The following GULP1 variants were observed in gnomAD, a reference collection of about 807,000 sequenced individuals.
GULP1 encodes GULP PTB domain containing engulfment adaptor 1, also known as PTB domain-containing engulfment adapter protein 1.
In GULP1, 19 loss-of-function variants were observed where a neutral mutation model predicts 40.9. That is an observed-to-expected ratio of 0.46 (90% CI 0.32 to 0.68). GULP1 has a LOEUF of 0.68. GULP1 is among the 30% of genes least tolerant of loss of function. The pLI, the probability that GULP1 is intolerant of heterozygous loss-of-function variation, is 0.03. For missense variants in GULP1, 312 were observed against 362.2 expected (o/e 0.86, Z 1.12); for synonymous variants, 119 against 117.6 (o/e 1.01, Z -0.08).
chr2:188,459,850 C>A (rs2059562074), intron 2 of GULP1, among the ~76,000 whole-genome samples: 1 of 152,220 alleles, frequency 6.6e-6, no homozygotes, highest in East Asian at 1.9e-4. Flanking sequence ...TAGTTTCATT[C>A]TTTTGCATAT....
chr2:188,359,365 C>T (rs1056045941), intron 1 of GULP1, among the ~76,000 whole-genome samples: 6 of 151,984 alleles, frequency 3.9e-5, no homozygotes, highest in Non-Finnish European at 8.8e-5. Flanking sequence ...GCTAAATAAA[C>T]GGGGCTGTGA....
intron 4 of GULP1, among the ~76,000 whole-genome samples, chr2:188,503,837 A>G (rs188915856): frequency 1.1e-3 from 170 of 152,036 alleles, no homozygotes; most frequent in African/African-American, 4.0e-3. Context: ...TAGTAACGCT[A>G]CCATCTTTTT....
At chr2:188,359,387 A>T (rs939744744) in intron 1 of GULP1, among the ~76,000 whole-genome samples, 1 of 152,162 alleles carries the variant, frequency 6.6e-6, no homozygotes, top group Non-Finnish European at 1.5e-5. Context: ...TGTATTTTAC[A>T]GTTCTTAAAA....
chr2:188,428,287 G>T (rs1196422291), intron 2 of GULP1, among the ~76,000 whole-genome samples: 1 of 152,126 alleles, frequency 6.6e-6, no homozygotes. Flanking sequence ...TTGGATTTTT[G>T]ACTTAATACT....
chr2:188,366,566 T>C (rs192485588), intron 1 of GULP1, among the ~76,000 whole-genome samples: 2 of 151,518 alleles, frequency 1.3e-5, no homozygotes, highest in African/African-American at 2.4e-5. Flanking sequence ...TTTTACTTTG[T>C]AGGGCGACTT....
intron 2 of GULP1, among the ~76,000 whole-genome samples, chr2:188,437,331 G>A (rs989118007): frequency 2.6e-5 from 4 of 152,020 alleles, no homozygotes; most frequent in African/African-American, 9.7e-5. Context: ...TACATATCAA[G>A]CTGAAGTTAG....
chr2:188,526,166 A>G (rs182556202), intron 5 of GULP1, among the ~76,000 whole-genome samples: 1 of 152,172 alleles, frequency 6.6e-6, no homozygotes, highest in Admixed American at 6.5e-5. Flanking sequence ...TATCAGTAGT[A>G]TATATTTAAC....
intron 1 of GULP1, among the ~76,000 whole-genome samples, chr2:188,343,742 A>G (rs1245555327): frequency 6.6e-6 from 1 of 152,182 alleles, no homozygotes; most frequent in Admixed American, 6.5e-5. Context: ...GGACACCTAT[A>G]CTGTGATCTA....
At chr2:188,456,963 C>T (rs1361447363) in intron 2 of GULP1, among the ~76,000 whole-genome samples, 1 of 152,070 alleles carries the variant, frequency 6.6e-6, no homozygotes, top group African/African-American at 2.4e-5. Flanking sequence ...GATTTGAATC[C>T]CCCACTGGAT....
At chr2:188,405,706 G>T (rs1396609470) in intron 2 of GULP1, among the ~76,000 whole-genome samples, 1 of 152,186 alleles carries the variant, frequency 6.6e-6, no homozygotes, top group African/African-American at 2.4e-5. Context: ...CCATTGCATT[G>T]ATGCAGTTAC....
At chr2:188,296,352 A>G (rs1000887752) in intron 1 of GULP1, among the ~76,000 whole-genome samples, 16 of 152,098 alleles carry the variant, frequency 1.1e-4, no homozygotes, top group Non-Finnish European at 1.8e-4. Flanking sequence ...AACAATGCTT[A>G]TACTGTTTTC....
At chr2:188,520,527 TA>T (rs754573431) in intron 4 of GULP1, among the ~76,000 whole-genome samples, 4,064 of 92,392 alleles carry the variant, frequency 0.044, 182 homozygotes, top group African/African-American at 0.14. Context: ...AGACTCCATC[TA>T]AAAAAAAAAA....
At chr2:188,514,812 C>T (rs1397091723) in intron 4 of GULP1, among the ~76,000 whole-genome samples, 1 of 152,074 alleles carries the variant, frequency 6.6e-6, no homozygotes, top group Non-Finnish European at 1.5e-5. Flanking sequence ...AAAAAATAAA[C>T]CTTTTGGGAT....
intron 7 of GULP1, among the ~76,000 whole-genome samples, chr2:188,545,954 TAG>T (rs1411580636): frequency 1.7e-4 from 26 of 151,744 alleles, no homozygotes; most frequent in Admixed American, 1.7e-3. Context: ...TCAGATAAAG[TAG>T]ACCTCAAGGC....
chr2:188,427,073 T>C (rs2056292524), intron 2 of GULP1, among the ~76,000 whole-genome samples: 1 of 152,150 alleles, frequency 6.6e-6, no homozygotes, highest in Admixed American at 6.5e-5. Context: ...CTGTGGAACT[T>C]TGAACTTACG....
At chr2:188,445,038 T>C (rs1468194814) in intron 2 of GULP1, among the ~76,000 whole-genome samples, 1 of 152,154 alleles carries the variant, frequency 6.6e-6, no homozygotes, top group African/African-American at 2.4e-5. Context: ...AATGTAACAT[T>C]CTAATTTCAA....
chr2:188,327,970 G>C (rs2040996209), intron 1 of GULP1, among the ~76,000 whole-genome samples: 1 of 152,060 alleles, frequency 6.6e-6, no homozygotes, highest in Non-Finnish European at 1.5e-5. Flanking sequence ...GCTTCCAAAT[G>C]ATCCTACATG....
At chr2:188,374,391 G>T (rs1039600637) in intron 1 of GULP1, among the ~76,000 whole-genome samples, 2 of 152,094 alleles carry the variant, frequency 1.3e-5, no homozygotes, top group Non-Finnish European at 2.9e-5. Context: ...TTAAGCCAAA[G>T]AATATGCATT....
intron 1 of GULP1, among the ~76,000 whole-genome samples, chr2:188,315,259 T>C (rs758983371): frequency 1.3e-5 from 2 of 152,138 alleles, no homozygotes; most frequent in Non-Finnish European, 2.9e-5. Context: ...TATTACAGTA[T>C]GTTGTTGTAA....
Sources: allele counts gnomAD v4.1 joint callset (sites outside exome capture counted in the v4.1 genomes callset), GRCh38; gene constraint gnomAD v4.1.1; transcripts MANE v1.5; gene names NCBI Gene and HGNC (gene_info 2026-07-23, HGNC 2026-07-21).